LAMA1: variants seen among roughly 807,000 people sequenced by gnomAD.
LAMA1 encodes laminin subunit alpha-1.
LAMA1 carries 219 observed loss-of-function variants against 348.7 expected under a neutral mutation model. The observed-to-expected ratio is 0.63, with a 90% CI of 0.56 to 0.70. The LOEUF (loss-of-function observed/expected upper bound fraction) is 0.70. LAMA1 is among the 30% of genes least tolerant of loss of function. LAMA1 has a pLI of 0.00. For synonymous variants in LAMA1, 1,487 were observed against 1,491.0 expected (o/e 1.00, Z 0.06); for missense variants, 3,744 against 3,888.0 (o/e 0.96, Z 0.99).
chr18:7,033,454 T>TTAAA (rs1468541831), intron 14 of LAMA1, among the ~76,000 whole-genome samples: 1 of 58,444 alleles, frequency 1.7e-5, no homozygotes, highest in Non-Finnish European at 3.4e-5. Context: ...AGACTCTGTC[T>TTAAA]CAAAAAAAAA....
At chr18:7,107,219 CGCCATTCTCCT>C (rs1258166600) in intron 1 of LAMA1, among the ~76,000 whole-genome samples, 2 of 151,062 alleles carry the variant, frequency 1.3e-5, no homozygotes, top group Admixed American at 1.3e-4. Flanking sequence ...GCCGGGTTCA[CGCCATTCTCCT>C]GCCTCTGCCT....
At chr18:7,074,516 C>T (rs8093592) in intron 3 of LAMA1, among the ~76,000 whole-genome samples, 62,659 of 151,920 alleles carry the variant, frequency 0.41, 13,259 homozygotes, top group East Asian at 0.7. Context: ...AATAATTTCT[C>T]TTAAATTTTA....
chr18:6,941,956 C>T lies in LAMA1; in HGVS notation c.*123G>A, dbSNP rs1273887074. 3 of 1,228,190 alleles carry T rather than the reference C, an allele frequency of 2.4e-6. No homozygotes were observed. The highest frequency in any genetic ancestry group is 3.6e-6 in the Non-Finnish European group (3 of 842,078). 76.1% of individuals were successfully genotyped at this position (1,228,190 alleles called of 1,614,324 possible). On this transcript the variant is annotated 3_prime_UTR_variant, in exon 63 of 63. Transcript: ENST00000389658. ...TTTTAGTGTAACGTAAACACAACATCTCTCCCCAGAAACACTTAACCTGAG... is the reference window on the plus strand; with the variant it reads ...TTTTAGTGTAACGTAAACACAACATTTCTCCCCAGAAACACTTAACCTGAG...
intron 7 of LAMA1, 51 bp from the exon 8 acceptor site, chr18:7,043,456 C>A (rs11663956): frequency 0.11 from 163,456 of 1,477,712 alleles, 10,635 homozygotes; most frequent in Non-Finnish European, 0.13. Flanking sequence ...ATGCCTTATA[C>A]AAAGAAAACT....
At chr18:7,083,735 T>G (rs1042868847) in intron 1 of LAMA1, among the ~76,000 whole-genome samples, 2 of 152,160 alleles carry the variant, frequency 1.3e-5, no homozygotes, top group African/African-American at 2.4e-5. Flanking sequence ...CACTATCCTT[T>G]TGTTGCAAAG....
chr18:7,062,629 G>A (rs929718004), intron 3 of LAMA1, among the ~76,000 whole-genome samples: 1 of 152,092 alleles, frequency 6.6e-6, no homozygotes, highest in African/African-American at 2.4e-5. Context: ...TAAAAGCAAC[G>A]GGTCTTACAG....
Position 6,956,785 on chromosome 18 carries a change from T to C in LAMA1, c.7965-20A>G. 6.2e-7 allele frequency: 1 copy of C among 1,613,882 alleles called. No homozygotes were observed. ...AAAAGTCTAGGTAGAAACAAGAGAG[T>C]GTTTTCAAAATTAGGATATCACAAA... On this transcript the variant is annotated intron_variant, in intron 55 of 62. Coordinates refer to ENST00000389658, the MANE Select transcript of LAMA1 (RefSeq NM_005559.4).
intron 53 of LAMA1, 109 bp from the exon 54 acceptor site, chr18:6,959,601 G>C: frequency 8.9e-7 from 1 of 1,124,686 alleles, no homozygotes; most frequent in Non-Finnish European, 1.3e-6. Context: ...AGTGAGTAGA[G>C]CAATTCCTTA....
At chr18:7,058,651 A>G (rs1377038555) in intron 3 of LAMA1, among the ~76,000 whole-genome samples, 3 of 152,146 alleles carry the variant, frequency 2.0e-5, no homozygotes, top group Non-Finnish European at 4.4e-5. Context: ...CCATGTGAGG[A>G]CTCAGGGAGA....
chr18:7,023,989 C>A (rs1013099362), intron 18 of LAMA1, among the ~76,000 whole-genome samples: 1 of 152,038 alleles, frequency 6.6e-6, no homozygotes, highest in African/African-American at 2.4e-5. Flanking sequence ...CAGGCACCCG[C>A]CGTCATGCCC....
At position 7,010,087 on chromosome 18, in the gene LAMA1, G is replaced by A. The variant is rs534426302; in HGVS notation, c.3873+113C>T. On this transcript the variant is annotated intron_variant, in intron 26 of 62. Coordinates refer to ENST00000389658, the MANE Select transcript of LAMA1 (RefSeq NM_005559.4). ...TTCTCAAAGTGGTGGGATTACAGGT[G>A]TGAGCCACCGTACCTGGCTGCTCAT... The A allele has an allele frequency of 4.0e-4, 487 of 1,224,568 alleles. 5 individuals are homozygous for A. In the South Asian group the frequency reaches 4.3e-3, roughly 11 times the overall value. 75.9% of individuals were successfully genotyped at this position (1,224,568 alleles called of 1,614,324 possible). A position where few individuals can be genotyped will look rare whatever the true frequency, so the allele number is the denominator to read the frequency against.
chr18:6,978,510 C>T, intron 42 of LAMA1, 132 bp from the exon 43 acceptor site: 3 of 890,360 alleles, frequency 3.4e-6, no homozygotes, highest in South Asian at 1.6e-5. Flanking sequence ...CAAACTGAGG[C>T]TTGTCTGTTT....
intron 57 of LAMA1, among the ~76,000 whole-genome samples, chr18:6,951,948 G>A (rs1024006089): frequency 3.3e-5 from 5 of 152,296 alleles, no homozygotes; most frequent in African/African-American, 1.2e-4. Flanking sequence ...ATTCCATTCG[G>A]GGTGATGAGG....
intron 19 of LAMA1, among the ~76,000 whole-genome samples, chr18:7,019,697 T>C (rs12961164): frequency 0.24 from 33,444 of 139,214 alleles, 2,883 homozygotes; most frequent in Middle Eastern, 0.3. Flanking sequence ...TTTTTTTTTT[T>C]TTGAGACAGG....
chr18:7,044,371 T>C (rs2058033506), intron 7 of LAMA1, among the ~76,000 whole-genome samples: 1 of 152,086 alleles, frequency 6.6e-6, no homozygotes, highest in African/African-American at 2.4e-5. Flanking sequence ...CTTTTACATA[T>C]TGTTAGATCT....
intron 36 of LAMA1, among the ~76,000 whole-genome samples, chr18:6,988,446 C>T (rs1293736342): frequency 6.6e-6 from 1 of 152,174 alleles, no homozygotes; most frequent in Admixed American, 6.5e-5. Flanking sequence ...TTGAGAAGAC[C>T]TGCAGTACAG....
intron 30 of LAMA1, among the ~76,000 whole-genome samples, chr18:7,001,554 T>A (rs1213755232): frequency 6.6e-6 from 1 of 152,160 alleles, no homozygotes; most frequent in East Asian, 1.9e-4. Flanking sequence ...ATCATTTACT[T>A]GGAGGCAATA....
chr18:7,002,885 CTT>C (rs34498127), intron 29 of LAMA1, among the ~76,000 whole-genome samples: 11 of 147,312 alleles, frequency 7.5e-5, no homozygotes, highest in African/African-American at 9.9e-5. Flanking sequence ...TTTTTTCTTT[CTT>C]TTTTTTTTTT....
At chr18:7,078,901 C>T (rs964459234) in intron 3 of LAMA1, among the ~76,000 whole-genome samples, 9 of 152,196 alleles carry the variant, frequency 5.9e-5, no homozygotes, top group East Asian at 1.9e-4. Context: ...GCAGGAGAAT[C>T]GCTTGAACCG....
Sources: allele counts gnomAD v4.1 joint callset (sites outside exome capture counted in the v4.1 genomes callset), GRCh38; gene constraint gnomAD v4.1.1; transcripts MANE v1.5; gene names NCBI Gene and HGNC (gene_info 2026-07-23, HGNC 2026-07-21).